Variants in SERPINB5 observed in about 807,000 individuals in gnomAD.
The protein encoded by SERPINB5 is serpin B5.
In SERPINB5, 27 loss-of-function variants were observed where a neutral mutation model predicts 32.2. That is an observed-to-expected ratio of 0.84 (90% CI 0.62 to 1.16). The LOEUF (loss-of-function observed/expected upper bound fraction) is 1.16. Among genes scored for constraint, SERPINB5 ranks in the 50% most tolerant of loss-of-function variants. SERPINB5 has a pLI of 0.00. For missense variants in SERPINB5, 388 were observed against 436.3 expected (o/e 0.89, Z 0.99); for synonymous variants, 154 against 157.4 (o/e 0.98, Z 0.16).
intron 1 of SERPINB5, among the ~76,000 whole-genome samples, chr18:63,478,758 G>GTTTTTTTTTTTTTTTTTTTTTT (rs10669993): frequency 1.5e-5 from 2 of 135,382 alleles, no homozygotes; most frequent in African/African-American, 2.8e-5. Context: ...TAAAAACGTA[G>GTTTTTTTTTTTTTTTTTTTTTT]TTTTTTTTTT....
chr18:63,493,183 A>G (rs780650644), intron 5 of SERPINB5, 88 bp downstream of exon 5: 68 of 1,572,430 alleles, frequency 4.3e-5, no homozygotes, highest in African/African-American at 3.7e-4. Context: ...ATCCATTCCA[A>G]TGAGGAACCT....
At position 63,498,560 on chromosome 18, in the gene SERPINB5, G is replaced by C. The variant is rs1205412032; in HGVS notation, c.568-560G>C. Among the ~76,000 whole-genome samples the C allele has an allele frequency of 6.6e-6, 1 of 152,048 alleles. No homozygotes were observed. The highest frequency in any genetic ancestry group is 1.9e-4 in the East Asian group (1 of 5,194). Reference sequence around the variant, plus strand: ...GTCTTATTTTTAAGGTTTGATCTATGCAAATACAGTATTATATATACTTCA... The same window carrying C: ...GTCTTATTTTTAAGGTTTGATCTATCCAAATACAGTATTATATATACTTCA... On this transcript the variant is annotated intron_variant, in intron 5 of 6. Coordinates refer to ENST00000382771, the MANE Select transcript of SERPINB5 (RefSeq NM_002639.5). This position sits in a 1 kb window ranked among gnomAD's most constrained non-coding sequence, Gnocchi z 4.2.
At chr18:63,496,286 G>A (rs997546064) in intron 5 of SERPINB5, among the ~76,000 whole-genome samples, 1 of 152,118 alleles carries the variant, frequency 6.6e-6, no homozygotes, top group Admixed American at 6.5e-5. Context: ...TTCTTTAGGA[G>A]GAATATATTT....
intron 5 of SERPINB5, 35 bp from the exon 6 acceptor site, chr18:63,499,085 T>G (rs1286179824): frequency 1.5e-6 from 2 of 1,348,840 alleles, no homozygotes; most frequent in Non-Finnish European, 1.9e-6. Flanking sequence ...ATGTGTAAAT[T>G]GAAAAGTAAG....
chr18:63,501,923 C>A (rs1373320497), intron 6 of SERPINB5, among the ~76,000 whole-genome samples: 1 of 152,062 alleles, frequency 6.6e-6, no homozygotes, highest in Non-Finnish European at 1.5e-5. Context: ...TGTTTGAGTT[C>A]TTTGTAGATT....
At chr18:63,484,911 T>TTGTA (rs1440306423) in intron 2 of SERPINB5, among the ~76,000 whole-genome samples, 3 of 151,990 alleles carry the variant, frequency 2.0e-5, no homozygotes, top group African/African-American at 7.2e-5. Context: ...AGGCAAATTT[T>TTGTA]TGTATTTTTA....
intron 5 of SERPINB5, chr18:63,497,499 G>GGAA (rs74169971): frequency 6.7e-5 from 15 of 223,682 alleles, no homozygotes; most frequent in African/African-American, 1.7e-4. Context: ...CAACGTTTCT[G>GGAA]AAAAAAAAAA....
intron 4 of SERPINB5, among the ~76,000 whole-genome samples, chr18:63,491,317 G>A (rs538482785): frequency 8.1e-5 from 12 of 147,758 alleles, no homozygotes; most frequent in African/African-American, 2.3e-4. Flanking sequence ...CAGGATAATC[G>A]CTTGAACCTG....
At chr18:63,481,664 G>A (rs1404852346) in intron 1 of SERPINB5, among the ~76,000 whole-genome samples, 1 of 152,210 alleles carries the variant, frequency 6.6e-6, no homozygotes, top group Non-Finnish European at 1.5e-5. Flanking sequence ...TATTAAATGT[G>A]CTGTGGAAGG....
rs753291907 is a variant in SERPINB5 at position 63,484,482 on chromosome 18, A to G, written c.54A>G (p.Gln18=). 2 of 1,614,172 alleles carry G rather than the reference A, an allele frequency of 1.2e-6. No individual in the cohort carries two copies. Among genetic ancestry groups the G allele is most frequent in the Admixed American group, 3.3e-5 (2 of 60,016 alleles). ...CTTTTGCCGTTGATCTGTTCAAACA[A>G]CTATGTGAAAAGGAGCCACTGGGCA... is the stretch of plus-strand genomic sequence containing the variant. ...NSAFAVDLFK[Q]LCEKEPLGNV... is the part of the protein sequence containing the mutation. Residue 18 remains glutamine (Q), a synonymous_variant, in exon 2 of 7, where the codon CAA becomes CAG. Coordinates refer to ENST00000382771, the MANE Select transcript of SERPINB5 (RefSeq NM_002639.5).
At chr18:63,497,478 A>T in intron 5 of SERPINB5, 5 of 503,120 alleles carry the variant, frequency 9.9e-6, no homozygotes, top group South Asian at 4.5e-5. Flanking sequence ...GCTAAGCTTT[A>T]CCATTGAACA....
chr18:63,481,702 GT>G (rs1391428014), intron 1 of SERPINB5, among the ~76,000 whole-genome samples: 3 of 152,226 alleles, frequency 2.0e-5, no homozygotes, highest in African/African-American at 4.8e-5. Context: ...CTGAAAGTCT[GT>G]CCACAGATTC....
intron 5 of SERPINB5, among the ~76,000 whole-genome samples, chr18:63,497,958 CT>C (rs1361572879): frequency 6.6e-6 from 1 of 152,196 alleles, no homozygotes; most frequent in Non-Finnish European, 1.5e-5. Context: ...TCAATTTAGA[CT>C]TTGTTAATTA....
rs1037637238 is a variant in SERPINB5, at chr18:63,503,878, T to C, written c.*156T>C. The C allele has an allele frequency of 6.5e-5, 42 of 650,998 alleles. 1 individual carries two copies. The highest frequency in any genetic ancestry group is 1.0e-4 in the Non-Finnish European group (40 of 392,038). The allele number at this position is 650,998 out of a possible 1,614,324, so 40.3% of individuals were successfully genotyped here. A position where few individuals can be genotyped will look rare whatever the true frequency, so the allele number is the denominator to read the frequency against. ...TTGTCATATGTAGCCTTCACACAGA[T>C]AGACCTTTTTTTTTTTTCCAATTCT... On this transcript the variant is annotated 3_prime_UTR_variant, in exon 7 of 7. Coordinates refer to ENST00000382771, the MANE Select transcript of SERPINB5 (RefSeq NM_002639.5).
At chr18:63,503,197 T>C in intron 6 of SERPINB5, 133 bp from the exon 7 acceptor site, 2 of 995,862 alleles carry the variant, frequency 2.0e-6, no homozygotes, top group Non-Finnish European at 2.9e-6. Context: ...CAAAAACTTC[T>C]GGGCCATCTT....
At chr18:63,487,230 G>A (rs1917230779) in intron 3 of SERPINB5, 147 bp downstream of exon 3, 1 of 767,356 alleles carries the variant, frequency 1.3e-6, no homozygotes, top group Admixed American at 2.9e-5. Context: ...AATCCTAGTG[G>A]AGAGGTTGAG....
intron 2 of SERPINB5, 143 bp downstream of exon 2, chr18:63,484,739 A>ATAT (rs1474564506): frequency 4.1e-4 from 59 of 144,804 alleles, no homozygotes; most frequent in African/African-American, 2.2e-3. Context: ...GACTCTCTTA[A>ATAT]TCTTTTTTTT....
In SERPINB5 at chr18:63,499,260, G is replaced by A; in HGVS notation, c.708G>A (p.Val236=). ...LSMFILLPKD[V]EDESTGLEKI... is the part of the protein sequence containing the mutation. ...TGTTCATCCTACTACCCAAGGATGT[G>A]GAGGATGAGTCCACAGGCTTGGAGA... Residue 236 remains valine (V), a synonymous_variant, in exon 6 of 7, where the codon GTG becomes GTA. Coordinates refer to ENST00000382771, the MANE Select transcript of SERPINB5 (RefSeq NM_002639.5). The A allele has an allele frequency of 6.3e-7, 1 of 1,594,292 alleles. No individual in the cohort carries two copies. Among genetic ancestry groups the A allele is most frequent in the South Asian group, 1.1e-5 (1 of 87,874 alleles).
intron 5 of SERPINB5, among the ~76,000 whole-genome samples, chr18:63,495,772 T>C (rs1001440763): frequency 6.6e-6 from 1 of 152,232 alleles, no homozygotes; most frequent in African/African-American, 2.4e-5. Flanking sequence ...ACAGAATTAA[T>C]AAAAGTTTGA....
Sources: gnomAD v4.1 joint callset for allele counts (sites outside exome capture counted in the v4.1 genomes callset) on GRCh38, gnomAD v4.1.1 for gene constraint, Gnocchi (gnomAD v3.1) non-coding constraint, MANE v1.5 for transcripts, NCBI Gene and HGNC (gene_info 2026-07-23, HGNC 2026-07-21) for gene names.